HELLS: variants seen among roughly 807,000 people sequenced by gnomAD.
The protein encoded by HELLS is helicase, lymphoid specific, also known as lymphoid-specific helicase.
A neutral mutation model predicts 120.0 loss-of-function variants in HELLS; 32 were observed. The ratio of observed to expected loss-of-function variants is 0.27; its 90% confidence interval spans 0.20 to 0.36. The LOEUF (loss-of-function observed/expected upper bound fraction) is 0.36, where lower values mean the gene tolerates loss of function less well. Ranked by LOEUF, HELLS falls within the 10% of genes least tolerant of loss-of-function variation. The pLI, the probability that HELLS is intolerant of heterozygous loss-of-function variation, is 1.00. For missense variants in HELLS, 650 were observed against 993.4 expected, an observed-to-expected ratio of 0.65 and a Z score of 4.65; for synonymous variants, 341 against 323.4, an observed-to-expected ratio of 1.05 and a Z score of -0.58.
chr10:94,554,191 A>G lies in HELLS; in HGVS notation c.219A>G (p.Glu73=), dbSNP rs954663598. 7 of 1,589,420 alleles carry G rather than the reference A, an allele frequency of 4.4e-6. No individual in the cohort carries two copies. The highest frequency in any genetic ancestry group is 6.0e-6 in the Non-Finnish European group (7 of 1,172,144). ...ACCGTAGACTTCAACATTTGCTTGA[A>G]AAAAGCAATATATACTCCAAATTTT... is the stretch of plus-strand genomic sequence containing the variant. ...IRYRRLQHLL[E]KSNIYSKFLL... The change falls in exon 3 of 22, where the codon GAA becomes GAG. Residue 73 remains glutamate (E), a synonymous_variant. Coordinates refer to ENST00000348459, the MANE Select transcript of HELLS (RefSeq NM_018063.5).
chr10:94,596,628 T>A (rs1401774398), intron 19 of HELLS, among the ~76,000 whole-genome samples: 3 of 152,222 alleles, frequency 2.0e-5, no homozygotes, highest in Non-Finnish European at 4.4e-5. Context: ...TTTTGGTCCT[T>A]GATCTTAGGG....
rs373019228 is a variant in HELLS at position 94,581,317 on chromosome 10, G to A, written c.1033-9G>A. 6.3e-5 allele frequency: 94 copies of A among 1,492,164 alleles called. No individual in the cohort carries two copies. The highest frequency in any genetic ancestry group is 1.8e-4 in the Middle Eastern group (1 of 5,428). 92.4% of individuals were successfully genotyped at this position (1,492,164 alleles called of 1,614,324 possible). ...GTTTAAAAATCTTTTTCCTCAATTC[G>A]TTTTCTAGCATTGCTATTGGAAATA... On this transcript the variant is annotated splice_polypyrimidine_tract_variant and intron_variant, in intron 10 of 21. Coordinates refer to ENST00000348459, the MANE Select transcript of HELLS (RefSeq NM_018063.5).
At position 94,581,370 on chromosome 10, in the gene HELLS, T is replaced by C. The variant is rs1489420160; in HGVS notation, c.1077T>C (p.Ile359=). 1 of 1,609,830 alleles carries C rather than the reference T, an allele frequency of 6.2e-7. No individual in the cohort carries two copies. The highest frequency in any genetic ancestry group is 2.2e-5 in the East Asian group (1 of 44,740). The change falls in exon 11 of 22, where the codon ATT becomes ATC. Residue 359 remains isoleucine, a synonymous_variant. Coordinates refer to ENST00000348459, the MANE Select transcript of HELLS (RefSeq NM_018063.5). ...TAATAGTAGATGAAGGACACAGGAT[T>C]AAGAATATGAAGTGCCGTCTAATCA... ...KYLIVDEGHR[I]KNMKCRLIRE... is the part of the protein sequence containing the mutation.
chr10:94,601,485 C>T (rs767066553), intron 21 of HELLS, 43 bp from the exon 22 acceptor site: 1 of 1,023,854 alleles, frequency 9.8e-7, no homozygotes, highest in East Asian at 2.4e-5. Context: ...ATTTCTTCTT[C>T]TTATACTTCT....
intron 6 of HELLS, 36 bp from the exon 7 acceptor site, chr10:94,571,352 C>A (rs769253421): frequency 1.4e-6 from 2 of 1,381,640 alleles, no homozygotes; most frequent in East Asian, 4.8e-5. Flanking sequence ...GAACTTCATA[C>A]ATTATTAATT....
intron 3 of HELLS, among the ~76,000 whole-genome samples, chr10:94,554,623 T>G (rs937478675): frequency 6.6e-6 from 1 of 151,798 alleles, no homozygotes; most frequent in Non-Finnish European, 1.5e-5. Flanking sequence ...TTGAAATCCT[T>G]GGAATCTTCA....
intron 4 of HELLS, among the ~76,000 whole-genome samples, chr10:94,562,105 A>G (rs1390780968): frequency 6.6e-6 from 1 of 151,602 alleles, no homozygotes; most frequent in African/African-American, 2.4e-5. Flanking sequence ...ATTTCTAAAT[A>G]AAAATGCCAA....
chr10:94,577,819 TG>T (rs1844578874), intron 10 of HELLS, among the ~76,000 whole-genome samples: 1 of 151,884 alleles, frequency 6.6e-6, no homozygotes, highest in Non-Finnish European at 1.5e-5. Flanking sequence ...CCCAGCACTT[TG>T]GGAGGCCGAG....
intron 11 of HELLS, among the ~76,000 whole-genome samples, chr10:94,582,591 T>C (rs1240486185): frequency 1.3e-5 from 2 of 152,200 alleles, no homozygotes; most frequent in African/African-American, 4.8e-5. Flanking sequence ...TGGGCCATAC[T>C]TAGACTGATG....
chr10:94,549,285 T>C (rs1166305747), intron 2 of HELLS, among the ~76,000 whole-genome samples: 1 of 152,174 alleles, frequency 6.6e-6, no homozygotes, highest in African/African-American at 2.4e-5. Context: ...ATACAGTCTG[T>C]ATGGGCATGT....
chr10:94,594,903 G>T (rs1218007251), intron 19 of HELLS, 49 bp downstream of exon 19: 4 of 1,391,342 alleles, frequency 2.9e-6, no homozygotes, highest in Admixed American at 2.0e-5. Context: ...TGCATTGTGT[G>T]TTGTGGATTT....
intron 6 of HELLS, among the ~76,000 whole-genome samples, chr10:94,565,684 C>A (rs992053300): frequency 6.6e-6 from 1 of 152,128 alleles, no homozygotes; most frequent in Non-Finnish European, 1.5e-5. Flanking sequence ...GAGTGAAATT[C>A]CATCTCAAAA....
At chr10:94,548,404 A>G (rs549794877) in intron 2 of HELLS, among the ~76,000 whole-genome samples, 112 of 152,302 alleles carry the variant, frequency 7.4e-4, no homozygotes, top group African/African-American at 2.3e-3. Context: ...TTGTTTCTTC[A>G]TATACCCATT....
At chr10:94,593,981 T>A (rs1845625404) in intron 18 of HELLS, among the ~76,000 whole-genome samples, 1 of 151,092 alleles carries the variant, frequency 6.6e-6, no homozygotes, top group Non-Finnish European at 1.5e-5. Context: ...ATTTTTTTTT[T>A]TTTTTTTTTT....
chr10:94,564,618 C>CT (rs1204255793), intron 6 of HELLS, among the ~76,000 whole-genome samples: 3 of 151,340 alleles, frequency 2.0e-5, no homozygotes, highest in South Asian at 2.1e-4. Context: ...CACATTCTTC[C>CT]TTTTTTTTTC....
At chr10:94,560,706 A>G (rs1843508704) in intron 4 of HELLS, among the ~76,000 whole-genome samples, 1 of 151,816 alleles carries the variant, frequency 6.6e-6, no homozygotes, top group Non-Finnish European at 1.5e-5. Context: ...CTAAATAAAT[A>G]AATAAATAAA....
intron 12 of HELLS, among the ~76,000 whole-genome samples, chr10:94,587,028 G>C (rs1178878483): frequency 6.6e-6 from 1 of 151,936 alleles, no homozygotes; most frequent in Non-Finnish European, 1.5e-5. Flanking sequence ...TAGTATTTGT[G>C]CTCTTTTAGT....
At chr10:94,608,026 G>GGT (rs778531395) in the HELLS span, 24 of 254,374 alleles carry the variant, frequency 9.4e-5, no homozygotes, top group Non-Finnish European at 1.5e-4. Context: ...CGTGGCCTGA[G>GGT]GTAAGATTTT....
At chr10:94,587,839 CATT>C (rs1845251191) in intron 12 of HELLS, among the ~76,000 whole-genome samples, 1 of 152,166 alleles carries the variant, frequency 6.6e-6, no homozygotes, top group African/African-American at 2.4e-5. Context: ...TTTTTGTACT[CATT>C]ATTTCAAATA....
Sources: allele counts gnomAD v4.1 joint callset (sites outside exome capture counted in the v4.1 genomes callset), GRCh38; gene constraint gnomAD v4.1.1; transcripts MANE v1.5; gene names NCBI Gene and HGNC (gene_info 2026-07-23, HGNC 2026-07-21).